Variants in KMT2C observed in about 807,000 individuals in gnomAD.
KMT2C encodes lysine methyltransferase 2C, also known as histone-lysine N-methyltransferase 2C.
Under a neutral mutation model 507.9 loss-of-function variants are expected in KMT2C, and 88 were observed. The ratio of observed to expected loss-of-function variants is 0.17; its 90% confidence interval spans 0.15 to 0.21. The LOEUF is 0.21. Ranked by LOEUF, KMT2C falls within the 10% of genes least tolerant of loss-of-function variation. The pLI, the probability that KMT2C is intolerant of heterozygous loss-of-function variation, is 1.00. For synonymous variants in KMT2C, 2,049 were observed against 2,080.8 expected (o/e 0.98, Z 0.42); for missense variants, 4,954 against 5,957.8 (o/e 0.83, Z 5.55).
At chr7:152,147,576 G>A (rs542975874) in intron 52 of KMT2C, among the ~76,000 whole-genome samples, 6 of 151,640 alleles carry the variant, frequency 4.0e-5, no homozygotes, top group East Asian at 1.9e-4. Flanking sequence ...GCATGGTAGC[G>A]CAAGCCTGTA....
chr7:152,263,774 C>A (rs1347366844), intron 8 of KMT2C, among the ~76,000 whole-genome samples: 1 of 152,138 alleles, frequency 6.6e-6, no homozygotes, highest in Non-Finnish European at 1.5e-5. Flanking sequence ...AACCTAAAAT[C>A]TTTCTCTAAA....
chr7:152,360,344 G>C (rs1281139657), intron 1 of KMT2C, among the ~76,000 whole-genome samples: 1 of 151,712 alleles, frequency 6.6e-6, no homozygotes, highest in East Asian at 1.9e-4. Flanking sequence ...TGGACGTGTT[G>C]ATGCACATCT....
intron 2 of KMT2C, among the ~76,000 whole-genome samples, chr7:152,357,073 C>T (rs1397720239): frequency 4.0e-5 from 6 of 150,890 alleles, no homozygotes; most frequent in Admixed American, 3.3e-4. Flanking sequence ...ACTAAAAATA[C>T]GAGTTATCCA....
chr7:152,417,573 T>A (rs951316100), intron 1 of KMT2C, among the ~76,000 whole-genome samples: 2 of 152,206 alleles, frequency 1.3e-5, no homozygotes, highest in African/African-American at 4.8e-5. Flanking sequence ...GACCAGAATT[T>A]GACAATAAGC....
chr7:152,169,304 G>A, intron 40 of KMT2C, 55 bp from the exon 41 acceptor site: 3 of 912,056 alleles, frequency 3.3e-6, no homozygotes, highest in Admixed American at 4.3e-5. Context: ...TTAAAGGGGG[G>A]AAAAAACTTT....
intron 18 of KMT2C, among the ~76,000 whole-genome samples, chr7:152,228,393 A>G (rs112820853): frequency 6.6e-6 from 1 of 152,338 alleles, no homozygotes; most frequent in East Asian, 1.9e-4. Context: ...ATTGCCTCCT[A>G]CAATAAAAAT....
At chr7:152,196,708 T>G (rs753232042) in intron 27 of KMT2C, among the ~76,000 whole-genome samples, 3 of 152,114 alleles carry the variant, frequency 2.0e-5, no homozygotes, top group Non-Finnish European at 4.4e-5. Context: ...GGATTAAAAA[T>G]AAGCTGCGGG....
chr7:152,196,448 T>C (rs959606000), intron 27 of KMT2C, among the ~76,000 whole-genome samples: 7 of 152,138 alleles, frequency 4.6e-5, no homozygotes, highest in Non-Finnish European at 8.8e-5. Context: ...AGAAATTCCA[T>C]ATGGAGCACA....
chr7:152,356,891 C>CAAA (rs1191047820), intron 2 of KMT2C, among the ~76,000 whole-genome samples: 14 of 97,230 alleles, frequency 1.4e-4, no homozygotes, highest in Non-Finnish European at 2.5e-4. Context: ...GACTCCAACT[C>CAAA]AAAAAGAATA....
At chr7:152,254,744 A>C (rs2095617646) in intron 9 of KMT2C, among the ~76,000 whole-genome samples, 1 of 152,164 alleles carries the variant, frequency 6.6e-6, no homozygotes, top group South Asian at 2.1e-4. Flanking sequence ...AACAAATGAA[A>C]ACAGAAACAT....
At position 152,138,902 on chromosome 7, in the gene KMT2C, T is replaced by A. The variant is rs2129089290; in HGVS notation, c.14537A>T (p.Tyr4846Phe). The A allele has an allele frequency of 1.2e-6, 2 of 1,610,488 alleles. No homozygotes were observed. Among genetic ancestry groups the A allele is most frequent in the Non-Finnish European group, 1.7e-6 (2 of 1,176,638 alleles). The change falls in exon 58 of 59, where the codon TAT becomes TTT. Residue 4846 changes from tyrosine to phenylalanine, a missense_variant and splice_region_variant. Transcript: ENST00000262189. This position sits in a 1 kb window ranked among gnomAD's most constrained non-coding sequence, Gnocchi z 4.2. ...ATTAGGTGCACACGAATGGTTGATA[T>A]ACCTGCAAGCCACCATGTCAGAAAA... ...DATLTGGPAR[Y>F]INHSCAPNCV...
chr7:152,187,109 G>T (rs750928825), intron 33 of KMT2C, among the ~76,000 whole-genome samples, 153 bp downstream of exon 33: 1 of 151,836 alleles, frequency 6.6e-6, no homozygotes, highest in Non-Finnish European at 1.5e-5. Flanking sequence ...AAAGTAAAAT[G>T]CAAGATGTTT....
chr7:152,228,165 T>C (rs34598564), intron 18 of KMT2C, among the ~76,000 whole-genome samples: 7,515 of 152,302 alleles, frequency 0.049, 309 homozygotes, highest in East Asian at 0.17. Flanking sequence ...TGTAGTCTTG[T>C]GTTATAAAAT....
At position 152,182,463 on chromosome 7, in the gene KMT2C, T is replaced by C. The variant is rs2093465222; in HGVS notation, c.5397A>G (p.Ser1799=). The change falls in exon 36 of 59, where the codon TCA becomes TCG. Residue 1799 remains serine, a synonymous_variant. Coordinates refer to ENST00000262189, the MANE Select transcript of KMT2C (RefSeq NM_170606.3). ...GSQHLLVQSG[S]DTPSSGIQSP... ...TCTGTATCCCACTACTTGGTGTATC[T>C]GAACCAGACTGCACCAGAAGATGCT... 1 of 1,614,028 alleles carries C rather than the reference T, an allele frequency of 6.2e-7. No homozygotes were observed. Among genetic ancestry groups the C allele is most frequent in the African/African-American group, 1.3e-5 (1 of 74,926 alleles).
chr7:152,316,449 A>G (rs1408264526), intron 3 of KMT2C, among the ~76,000 whole-genome samples: 1 of 152,178 alleles, frequency 6.6e-6, no homozygotes, highest in Non-Finnish European at 1.5e-5. Context: ...GACAACAATC[A>G]ATATACATAT....
chr7:152,183,795 C>A (rs139195228), intron 34 of KMT2C, among the ~76,000 whole-genome samples: 4,455 of 152,200 alleles, frequency 0.029, 219 homozygotes, highest in African/African-American at 0.1. Context: ...ACTCGGGAGG[C>A]TGAGGCAGGA....
chr7:152,285,349 T>A (rs2096278626), intron 6 of KMT2C, among the ~76,000 whole-genome samples: 1 of 152,310 alleles, frequency 6.6e-6, no homozygotes. Flanking sequence ...TGAGTGAATT[T>A]ATGGGTAAAG....
chr7:152,141,734 T>TAAAAAAAAAAAAAAAA, intron 55 of KMT2C, among the ~76,000 whole-genome samples: 1 of 135,094 alleles, frequency 7.4e-6, no homozygotes, highest in African/African-American at 3.0e-5. Flanking sequence ...AAAAAAAAAT[T>TAAAAAAAAAAAAAAAA]CATGCCAGCC....
chr7:152,277,710 C>T (rs1187019960), intron 6 of KMT2C, among the ~76,000 whole-genome samples: 1 of 151,556 alleles, frequency 6.6e-6, no homozygotes, highest in Non-Finnish European at 1.5e-5. Context: ...CAGATCATTA[C>T]AAAAAAAGAA....
Sources: allele counts gnomAD v4.1 joint callset (sites outside exome capture counted in the v4.1 genomes callset), GRCh38; gene constraint gnomAD v4.1.1; non-coding constraint Gnocchi (gnomAD v3.1); transcripts MANE v1.5; gene names NCBI Gene and HGNC (gene_info 2026-07-23, HGNC 2026-07-21).